Variants in SSBP2 observed in about 807,000 individuals in gnomAD.
The protein encoded by SSBP2 is single-stranded DNA-binding protein 2.
Under a neutral mutation model 61.8 loss-of-function variants are expected in SSBP2, and 17 were observed. The ratio of observed to expected loss-of-function variants is 0.28; its 90% CI spans 0.19 to 0.41. The LOEUF (loss-of-function observed/expected upper bound fraction) is 0.41, where lower values mean the gene tolerates loss of function less well. Among genes scored for constraint, SSBP2 ranks in the 10% least tolerant of loss-of-function variants. The pLI is 1.00. For synonymous variants in SSBP2, 139 were observed against 141.3 expected (o/e 0.98, Z 0.12); for missense variants, 310 against 458.7 (o/e 0.68, Z 2.96).
At chr5:81,531,404 A>C (rs185436185) in intron 4 of SSBP2, among the ~76,000 whole-genome samples, 1 of 152,210 alleles carries the variant, frequency 6.6e-6, no homozygotes, top group Admixed American at 6.5e-5. Flanking sequence ...ATATAAATAA[A>C]TAAGACAAGA....
chr5:81,642,541 G>T (rs1471928322), intron 2 of SSBP2, among the ~76,000 whole-genome samples: 2 of 151,970 alleles, frequency 1.3e-5, no homozygotes, highest in African/African-American at 4.8e-5. Context: ...ATGAACAAAA[G>T]GTATATCAAT....
intron 1 of SSBP2, among the ~76,000 whole-genome samples, chr5:81,719,269 T>G (rs1214920237): frequency 1.3e-5 from 2 of 152,158 alleles, no homozygotes; most frequent in Non-Finnish European, 2.9e-5. Flanking sequence ...GCTCCAGGAC[T>G]TATAGCCACC....
At chr5:81,463,494 G>A (rs1246086001) in intron 9 of SSBP2, among the ~76,000 whole-genome samples, 1 of 152,142 alleles carries the variant, frequency 6.6e-6, no homozygotes, top group Non-Finnish European at 1.5e-5. Flanking sequence ...GAGCTCAGGA[G>A]TTGAAGGCCA....
At chr5:81,632,533 T>G (rs950361250) in intron 3 of SSBP2, among the ~76,000 whole-genome samples, 1 of 152,174 alleles carries the variant, frequency 6.6e-6, no homozygotes, top group Admixed American at 6.5e-5. Context: ...AGAAATGAAC[T>G]TCTTGACATC....
At chr5:81,532,615 T>C in intron 4 of SSBP2, among the ~76,000 whole-genome samples, 1 of 152,020 alleles carries the variant, frequency 6.6e-6, no homozygotes, top group Non-Finnish European at 1.5e-5. Context: ...TATAGATTTA[T>C]AGTGGATTAC....
At chr5:81,529,343 T>C (rs1391134450) in intron 4 of SSBP2, among the ~76,000 whole-genome samples, 1 of 152,282 alleles carries the variant, frequency 6.6e-6, no homozygotes, top group Non-Finnish European at 1.5e-5. Flanking sequence ...GTACATTTCA[T>C]TGCCTTGGTA....
intron 5 of SSBP2, among the ~76,000 whole-genome samples, chr5:81,492,071 T>G (rs1164189925): frequency 6.6e-6 from 1 of 152,194 alleles, no homozygotes; most frequent in Non-Finnish European, 1.5e-5. Context: ...TCAAATGAAA[T>G]TCAAAATGTT....
At chr5:81,513,157 C>A (rs1393691812) in intron 5 of SSBP2, among the ~76,000 whole-genome samples, 2 of 151,886 alleles carry the variant, frequency 1.3e-5, no homozygotes, top group African/African-American at 4.8e-5. Context: ...AATAAAAATT[C>A]CAGCTTAAAA....
intron 8 of SSBP2, among the ~76,000 whole-genome samples, chr5:81,472,233 T>A (rs891422975): frequency 1.3e-5 from 2 of 152,120 alleles, no homozygotes; most frequent in African/African-American, 4.8e-5. Context: ...AAAATGACAT[T>A]ATAAAATTAA....
chr5:81,735,519 T>C (rs114512654), intron 1 of SSBP2, among the ~76,000 whole-genome samples: 1 of 152,176 alleles, frequency 6.6e-6, no homozygotes, highest in Non-Finnish European at 1.5e-5. Flanking sequence ...CAACACCTAA[T>C]ATAAATGCTA....
rs141818685 is a variant in SSBP2 at position 81,592,967 on chromosome 5, A to G, written c.282+22506T>C. On this transcript the variant is annotated intron_variant, in intron 4 of 16. Transcript: ENST00000320672. ...CTCCAAAGGAACGCAGCTCCTCACA[A>G]GCAACAGAACAAAGCTGGACGGAGA... Among the ~76,000 whole-genome samples the G allele has an allele frequency of 3.7e-3, 560 of 152,332 alleles. 4 individuals are homozygous for G. The highest frequency in any genetic ancestry group is 0.012 in the African/African-American group (505 of 41,574).
chr5:81,629,232 G>T (rs976309279), intron 3 of SSBP2, among the ~76,000 whole-genome samples: 1 of 152,044 alleles, frequency 6.6e-6, no homozygotes, highest in African/African-American at 2.4e-5. Flanking sequence ...TGATCCACCC[G>T]CCTTGGCCTC....
intron 4 of SSBP2, among the ~76,000 whole-genome samples, chr5:81,516,240 AC>A (rs764711787): frequency 1.1e-4 from 16 of 152,116 alleles, no homozygotes; most frequent in Non-Finnish European, 2.2e-4. Flanking sequence ...AAGATGTACC[AC>A]ATTTTTACAG....
intron 5 of SSBP2, among the ~76,000 whole-genome samples, chr5:81,494,256 A>G (rs774226319): frequency 4.6e-5 from 7 of 152,218 alleles, no homozygotes; most frequent in Non-Finnish European, 1.0e-4. Context: ...CAAAATTAGG[A>G]AAAACTCATA....
intron 4 of SSBP2, among the ~76,000 whole-genome samples, chr5:81,555,531 C>T (rs907776992): frequency 4.6e-5 from 7 of 152,040 alleles, no homozygotes; most frequent in African/African-American, 1.7e-4. Context: ...TTCCAGGATG[C>T]CTCATCTTTG....
intron 9 of SSBP2, 60 bp downstream of exon 9, chr5:81,466,913 TA>T (rs745829614): frequency 2.7e-5 from 28 of 1,020,160 alleles, no homozygotes; most frequent in Non-Finnish European, 3.7e-5. Context: ...AATATGGTAT[TA>T]TTTATATATA....
chr5:81,432,418 C>G (rs1170822574), intron 15 of SSBP2, among the ~76,000 whole-genome samples: 2 of 152,148 alleles, frequency 1.3e-5, no homozygotes, highest in Non-Finnish European at 2.9e-5. Flanking sequence ...TATGTTAATA[C>G]GAACTGCAGA....
At chr5:81,469,457 G>A (rs1213168446) in intron 8 of SSBP2, among the ~76,000 whole-genome samples, 1 of 151,540 alleles carries the variant, frequency 6.6e-6, no homozygotes, top group Non-Finnish European at 1.5e-5. Context: ...AGCCCTCAAC[G>A]CTAACAGAAT....
intron 1 of SSBP2, among the ~76,000 whole-genome samples, chr5:81,655,126 A>G (rs965444754): frequency 6.6e-6 from 1 of 152,170 alleles, no homozygotes; most frequent in Non-Finnish European, 1.5e-5. Flanking sequence ...TCCAGCATGA[A>G]CAATAAAGCC....
Sources: allele counts gnomAD v4.1 joint callset (sites outside exome capture counted in the v4.1 genomes callset), GRCh38; gene constraint gnomAD v4.1.1; transcripts MANE v1.5; gene names NCBI Gene and HGNC (gene_info 2026-07-23, HGNC 2026-07-21).